Variants in ZNF441 observed in about 807,000 individuals in gnomAD.
The protein encoded by ZNF441 is zinc finger protein 441.
In ZNF441, 25 loss-of-function variants were observed where a neutral mutation model predicts 64.5. That is an observed-to-expected ratio of 0.39 (90% CI 0.28 to 0.54). The LOEUF (loss-of-function observed/expected upper bound fraction) is 0.54. ZNF441 is among the 20% of genes least tolerant of loss of function. The pLI is 0.70. For synonymous variants in ZNF441, 262 were observed against 268.0 expected (o/e 0.98, Z 0.22); for missense variants, 715 against 843.3 (o/e 0.85, Z 1.88).
At chr19:11,773,487 G>A (rs1209401805) in intron 1 of ZNF441, among the ~76,000 whole-genome samples, 1 of 152,138 alleles carries the variant, frequency 6.6e-6, no homozygotes, top group African/African-American at 2.4e-5. Context: ...GTATTCTTGA[G>A]TTCACATGTA....
chr19:11,770,138 T>G (rs552348510), intron 1 of ZNF441, among the ~76,000 whole-genome samples: 11 of 152,224 alleles, frequency 7.2e-5, no homozygotes, highest in Non-Finnish European at 1.3e-4. Context: ...TGACTCACAG[T>G]TCCTCATGGC....
rs189910777 is a variant in ZNF441, at chr19:11,782,885, T to C, written c.*979T>C. ...TATTGAAAATACTTCAGGACATTGG[T>C]TTAGGCAAAGATTTTATGGCTAATA... On this transcript the variant is annotated 3_prime_UTR_variant, in exon 4 of 4. Transcript: ENST00000357901. 6 of 152,248 alleles carry C rather than the reference T, an allele frequency of 3.9e-5. No homozygotes were observed. Among genetic ancestry groups the C allele is most frequent in the African/African-American group, 1.4e-4 (6 of 41,524 alleles). The allele number at this position is 152,248 out of a possible 1,614,324, so 9.4% of individuals were successfully genotyped here.
intron 3 of ZNF441, among the ~76,000 whole-genome samples, chr19:11,779,670 G>A (rs1222862122): frequency 6.6e-6 from 1 of 151,906 alleles, no homozygotes; most frequent in Non-Finnish European, 1.5e-5. Context: ...GTGTGAACCC[G>A]GGGGAGGTAG....
In ZNF441 at chr19:11,781,566, A is replaced by G. The variant is rs1975404321; in HGVS notation, c.1742A>G (p.His581Arg). The change falls in exon 4 of 4, where the codon CAT (histidine) becomes CGT (arginine). Residue 581 changes from histidine to arginine, a missense_variant. Transcript: ENST00000357901. The part of the protein sequence containing the change: ...LSSFRRHMIT[H>R]TGNGPHKCKI... ...AGCTTTCGAAGACACATGATAACAC[A>G]TACTGGAAATGGACCTCATAAATGT... 1.2e-6 allele frequency: 2 copies of G among 1,613,992 alleles called. No individual in the cohort carries two copies. The highest frequency in any genetic ancestry group is 1.3e-5 in the African/African-American group (1 of 74,914).
chr19:11,777,772 A>G (rs1483523778), intron 2 of ZNF441, 35 bp downstream of exon 2: 2 of 1,587,082 alleles, frequency 1.3e-6, no homozygotes, highest in Non-Finnish European at 1.7e-6. Flanking sequence ...TTAGTCAATT[A>G]GAGACATTTG....
At chr19:11,775,456 A>G (rs780157073) in intron 1 of ZNF441, among the ~76,000 whole-genome samples, 2 of 151,688 alleles carry the variant, frequency 1.3e-5, no homozygotes, top group Non-Finnish European at 2.9e-5. Flanking sequence ...CAGCCTCCCG[A>G]GTACCTGGGA....
chr19:11,773,194 C>T (rs547966040), intron 1 of ZNF441, among the ~76,000 whole-genome samples: 12 of 152,208 alleles, frequency 7.9e-5, no homozygotes, highest in Middle Eastern at 3.4e-3. Flanking sequence ...CTTGAGAATT[C>T]TCTTTGACGC....
chr19:11,772,643 T>C (rs1236646871), intron 1 of ZNF441, among the ~76,000 whole-genome samples: 2 of 152,052 alleles, frequency 1.3e-5, no homozygotes, highest in East Asian at 1.9e-4. Flanking sequence ...AGACCAAGAT[T>C]GGCAGACTGC....
At chr19:11,770,446 A>G (rs968415418) in intron 1 of ZNF441, among the ~76,000 whole-genome samples, 1 of 152,196 alleles carries the variant, frequency 6.6e-6, no homozygotes, top group Non-Finnish European at 1.5e-5. Flanking sequence ...AACATGAATT[A>G]GAAAGTGTTC....
At position 11,781,666 on chromosome 19, in the gene ZNF441, C is replaced by A; in HGVS notation, c.1842C>A (p.Pro614=). ...RHERTHTGEK[P]YECKECGKAF... The stretch of plus-strand genomic sequence containing the variant: ...AAAGAACTCACACTGGAGAGAAACC[C>A]TATGAATGCAAGGAATGTGGTAAAG... Residue 614 remains proline, a synonymous_variant, in exon 4 of 4, where the codon CCC becomes CCA. Transcript: ENST00000357901. The A allele has an allele frequency of 1.9e-6, 3 of 1,614,070 alleles. No individual in the cohort carries two copies. The highest frequency in any genetic ancestry group is 2.5e-6 in the Non-Finnish European group (3 of 1,179,980).
At chr19:11,769,811 G>A (rs1975298911) in intron 1 of ZNF441, among the ~76,000 whole-genome samples, 3 of 152,076 alleles carry the variant, frequency 2.0e-5, no homozygotes, top group Non-Finnish European at 4.4e-5. Context: ...AAGTAGCTGG[G>A]ACTACAGGCA....
In ZNF441 at chr19:11,771,918, G is replaced by A. The variant is rs562649064; in HGVS notation, c.3+4722G>A. Among the ~76,000 whole-genome samples the A allele has an allele frequency of 3.9e-5, 6 of 152,314 alleles. No homozygotes were observed. The South Asian group carries it at 1.0e-3, about 26-fold the overall frequency. ...AGTCAGGTTTGTCCGCAGTTACCTG[G>A]AGGCGTAACCATCTCCCTGTCATGC... On this transcript the variant is annotated intron_variant, in intron 1 of 3. Coordinates refer to ENST00000357901, the MANE Select transcript of ZNF441 (RefSeq NM_152355.3).
At position 11,777,473 on chromosome 19, in the gene ZNF441, A is replaced by G. The variant is rs930330875; in HGVS notation, c.4-138A>G. 1.0e-5 allele frequency: 9 copies of G among 891,526 alleles called. No homozygotes were observed. The African/African-American group carries it at 1.5e-4, about 15-fold the overall frequency. The allele number at this position is 891,526 out of a possible 1,614,324, so 55.2% of individuals were successfully genotyped here. A position where few individuals can be genotyped will look rare whatever the true frequency, so the allele number is the denominator to read the frequency against. On this transcript the variant is annotated intron_variant, in intron 1 of 3. Transcript: ENST00000357901. ...TGTGTGGGATAAAATGAGTGTAAAG[A>G]GAGAATAAGAGTGGGTTTACCATGT...
In ZNF441 at chr19:11,780,353, T is replaced by C; in HGVS notation, c.529T>C (p.Phe177Leu). Residue 177 changes from phenylalanine (F) to leucine (L), a missense_variant, in exon 4 of 4, where the codon TTC becomes CTC. Phe to Leu is a conservative substitution (Grantham distance 22). Transcript: ENST00000357901. ...KLYDCKECAS[F>L]SSLENLQRHM... ...CTATGATTGTAAGGAATGTGCAAGCTTCAGTTCTCTTGAAAACCTTCAAAG... is the reference window on the plus strand; with the variant it reads ...CTATGATTGTAAGGAATGTGCAAGCCTCAGTTCTCTTGAAAACCTTCAAAG... 6.2e-7 allele frequency: 1 copy of C among 1,614,190 alleles called. No individual in the cohort carries two copies. Among genetic ancestry groups the C allele is most frequent in the Non-Finnish European group, 8.5e-7 (1 of 1,180,032 alleles).
rs1975413635 is a variant in ZNF441, at chr19:11,782,659, T to A, written c.*753T>A. On this transcript the variant is annotated 3_prime_UTR_variant, in exon 4 of 4. Transcript: ENST00000357901. ...TTAAGTGTTGAAGGTTTCATCTCCA[T>A]AATTGCAGCTGCTTTAGCTACAAAT... 6.6e-6 allele frequency: 1 copy of A among 152,222 alleles called. No individual in the cohort carries two copies. The highest frequency in any genetic ancestry group is 2.4e-5 in the African/African-American group (1 of 41,464). 9.4% of individuals were successfully genotyped at this position (152,222 alleles called of 1,614,324 possible).
intron 1 of ZNF441, among the ~76,000 whole-genome samples, chr19:11,772,624 C>A (rs1975323422): frequency 6.6e-6 from 1 of 152,182 alleles, no homozygotes; most frequent in South Asian, 2.1e-4. Context: ...ACAATCCCAG[C>A]ACTTTGGGAG....
chr19:11,767,877 C>T lies in ZNF441; in HGVS notation c.3+681C>T, dbSNP rs1443832630. Among the ~76,000 whole-genome samples the T allele has an allele frequency of 6.6e-6, 1 of 152,166 alleles. No homozygotes were observed. The highest frequency in any genetic ancestry group is 1.5e-5 in the Non-Finnish European group (1 of 68,028). ...GTGGCCTGACTCTTGGGGAGGCGGC[C>T]CCGCGAGGCAGCGGGGCTGAGGGCA... On this transcript the variant is annotated intron_variant, in intron 1 of 3. Coordinates refer to ENST00000357901, the MANE Select transcript of ZNF441 (RefSeq NM_152355.3). This position sits in a 1 kb window ranked among gnomAD's most constrained non-coding sequence, Gnocchi z 5.1.
Position 11,781,929 on chromosome 19 carries a change from A to C in ZNF441, c.*23A>C. On this transcript the variant is annotated 3_prime_UTR_variant, in exon 4 of 4. Coordinates refer to ENST00000357901, the MANE Select transcript of ZNF441 (RefSeq NM_152355.3). ...TAGAGAAAACCCCTATGAGTGTTGAACATGTGAGAAAGCCTTAAGTACTTT... is the reference window on the plus strand; with the variant it reads ...TAGAGAAAACCCCTATGAGTGTTGACCATGTGAGAAAGCCTTAAGTACTTT... The C allele has an allele frequency of 6.5e-7, 1 of 1,527,074 alleles. No individual in the cohort carries two copies. The allele number at this position is 1,527,074 out of a possible 1,614,324, so 94.6% of individuals were successfully genotyped here. A position where few individuals can be genotyped will look rare whatever the true frequency, so the allele number is the denominator to read the frequency against.
Position 11,780,098 on chromosome 19 carries a change from A to G in ZNF441, c.274A>G (p.Ile92Val). ...ACCCTTTACCCAGACTCAAGACAGT[A>G]TTGTGAACGAGAAAATACCTGGAGT... Reference protein sequence around the residue: ...GGPFTQTQDSIVNEKIPGVDP... With the variant: ...GGPFTQTQDSVVNEKIPGVDP... Residue 92 changes from isoleucine to valine, a missense_variant, in exon 4 of 4, where the codon ATT (isoleucine) becomes GTT (valine). This residue lies in a region of ZNF441 where 399 missense variants were observed against 413.9 expected (regional missense o/e 0.96). Transcript: ENST00000357901. 6.2e-7 allele frequency: 1 copy of G among 1,614,208 alleles called. No homozygotes were observed. Among genetic ancestry groups the G allele is most frequent in the Non-Finnish European group, 8.5e-7 (1 of 1,180,022 alleles).
Sources: allele counts gnomAD v4.1 joint callset (sites outside exome capture counted in the v4.1 genomes callset), GRCh38; gene constraint gnomAD v4.1.1; regional missense constraint gnomAD v4.1.1; non-coding constraint Gnocchi (gnomAD v3.1); transcripts MANE v1.5; gene names NCBI Gene and HGNC (gene_info 2026-07-23, HGNC 2026-07-21).